The following FILIP1L variants were observed in gnomAD, a reference collection of about 807,000 sequenced individuals.
The protein encoded by FILIP1L is filamin A interacting protein 1 like.
A neutral mutation model predicts 96.6 loss-of-function variants in FILIP1L; 55 were observed. The ratio of observed to expected loss-of-function variants is 0.57; its 90% CI spans 0.46 to 0.71. FILIP1L has a LOEUF of 0.71. Ranked by LOEUF, FILIP1L falls within the 30% of genes least tolerant of loss-of-function variation. The pLI is 0.00. For synonymous variants in FILIP1L, 467 were observed against 473.9 expected, an observed-to-expected ratio of 0.99 and a Z score of 0.19; for missense variants, 1,304 against 1,321.2, an observed-to-expected ratio of 0.99 and a Z score of 0.20.
chr3:99,854,796 C>T (rs1559661077), intron 4 of FILIP1L, among the ~76,000 whole-genome samples: 1 of 152,170 alleles, frequency 6.6e-6, no homozygotes, highest in Non-Finnish European at 1.5e-5. Context: ...TTGCTTTACT[C>T]AGCTTTAATT....
intron 1 of FILIP1L, among the ~76,000 whole-genome samples, chr3:99,982,191 A>G (rs143029174): frequency 3.9e-5 from 6 of 152,238 alleles, no homozygotes; most frequent in African/African-American, 1.4e-4. Context: ...TGTTTTTTTA[A>G]TAGTATTGTC....
intron 1 of FILIP1L, among the ~76,000 whole-genome samples, chr3:99,955,310 C>T (rs1708290951): frequency 6.6e-6 from 1 of 152,158 alleles, no homozygotes; most frequent in Non-Finnish European, 1.5e-5. Context: ...TTGTAAATGA[C>T]AAGGAGTATA....
At chr3:99,904,966 A>AATTGTTCTCTC (rs1706564700) in intron 4 of FILIP1L, among the ~76,000 whole-genome samples, 2 of 152,218 alleles carry the variant, frequency 1.3e-5, no homozygotes, top group Non-Finnish European at 1.5e-5. Flanking sequence ...ATTCTGAAGA[A>AATTGTTCTCTC]ATTGTTCTCT....
chr3:100,002,450 C>A (rs184630059), intron 1 of FILIP1L, among the ~76,000 whole-genome samples: 1 of 152,236 alleles, frequency 6.6e-6, no homozygotes, highest in East Asian at 1.9e-4. Context: ...CTAGAACCAC[C>A]AGTTTCTGCC....
chr3:99,853,047 C>T (rs1206368816), intron 4 of FILIP1L, among the ~76,000 whole-genome samples: 2 of 152,176 alleles, frequency 1.3e-5, no homozygotes, highest in East Asian at 3.8e-4. Context: ...TGGCAAAAGG[C>T]TTGCCCATGG....
At chr3:99,947,372 T>C (rs1343632401) in intron 1 of FILIP1L, among the ~76,000 whole-genome samples, 1 of 152,196 alleles carries the variant, frequency 6.6e-6, no homozygotes, top group Non-Finnish European at 1.5e-5. Context: ...GATAGCTACA[T>C]AGTATTTCAT....
chr3:99,871,146 C>T (rs1254118376), intron 4 of FILIP1L, among the ~76,000 whole-genome samples: 2 of 152,208 alleles, frequency 1.3e-5, no homozygotes, highest in African/African-American at 2.4e-5. Context: ...CTGAGCCTAA[C>T]TTGGTTTCTA....
At chr3:99,994,038 T>A (rs1161802095) in intron 1 of FILIP1L, among the ~76,000 whole-genome samples, 1 of 152,114 alleles carries the variant, frequency 6.6e-6, no homozygotes. Flanking sequence ...GTTTCAGGAG[T>A]ATTGGATTTT....
At chr3:99,862,966 A>T (rs1944333855) in intron 4 of FILIP1L, among the ~76,000 whole-genome samples, 2 of 152,346 alleles carry the variant, frequency 1.3e-5, no homozygotes, top group South Asian at 4.1e-4. Flanking sequence ...TGCTCTGCTC[A>T]TCTTACTCCT....
intron 1 of FILIP1L, among the ~76,000 whole-genome samples, chr3:100,088,265 AG>A (rs1316458652): frequency 6.6e-6 from 1 of 152,210 alleles, no homozygotes; most frequent in African/African-American, 2.4e-5. Context: ...CTAAACCAAA[AG>A]CTTAAATTGA....
chr3:100,051,029 C>T (rs1246058877), intron 1 of FILIP1L, among the ~76,000 whole-genome samples: 1 of 152,068 alleles, frequency 6.6e-6, no homozygotes, highest in Non-Finnish European at 1.5e-5. Flanking sequence ...CTTATACCCA[C>T]CTTCAATAGA....
At chr3:100,071,238 T>C (rs551503164) in intron 1 of FILIP1L, among the ~76,000 whole-genome samples, 1 of 152,272 alleles carries the variant, frequency 6.6e-6, no homozygotes, top group Admixed American at 6.5e-5. Flanking sequence ...GATTTTCTCT[T>C]ACTCACTTCA....
At chr3:99,834,834 C>G (rs941725628) in intron 5 of FILIP1L, among the ~76,000 whole-genome samples, 1 of 152,172 alleles carries the variant, frequency 6.6e-6, no homozygotes, top group Non-Finnish European at 1.5e-5. Flanking sequence ...CTAGCTGTGT[C>G]TCTTTGAGCA....
intron 1 of FILIP1L, among the ~76,000 whole-genome samples, chr3:100,021,578 A>G (rs2064818001): frequency 6.6e-6 from 1 of 152,176 alleles, no homozygotes; most frequent in Admixed American, 6.5e-5. Flanking sequence ...ATTTGAAGCA[A>G]AGTCTGTACT....
At chr3:100,058,064 A>C (rs2065496000) in intron 1 of FILIP1L, among the ~76,000 whole-genome samples, 1 of 152,218 alleles carries the variant, frequency 6.6e-6, no homozygotes, top group African/African-American at 2.4e-5. Context: ...GGCAATATGC[A>C]CAATTTTTTA....
chr3:100,091,272 G>C (rs780217488), intron 1 of FILIP1L, among the ~76,000 whole-genome samples: 1 of 146,046 alleles, frequency 6.8e-6, no homozygotes, highest in African/African-American at 2.5e-5. Context: ...GCGACAGAGC[G>C]AGACTCCGTC....
intron 1 of FILIP1L, among the ~76,000 whole-genome samples, chr3:100,093,790 A>G (rs2066155180): frequency 6.6e-6 from 1 of 152,258 alleles, no homozygotes; most frequent in Admixed American, 6.5e-5. Context: ...ATATAAATAG[A>G]ATCATACAAC....
rs28728176 is a variant in FILIP1L at position 99,832,995 on chromosome 3, A to G, written c.3382-2390T>C. 930 of 496,936 alleles carry G rather than the reference A, an allele frequency of 1.9e-3. 7 individuals carry two copies. Among genetic ancestry groups the G allele is most frequent in the African/African-American group, 0.017 (842 of 49,830 alleles). 30.8% of individuals were successfully genotyped at this position (496,936 alleles called of 1,614,324 possible). On this transcript the variant is annotated intron_variant, in intron 5 of 5. Transcript: ENST00000477258. ...AAATAGCTCCAAGAAAGTTTTGTCC[A>G]AATTTGGAATGCATATTGCAAGAGA...
At chr3:99,943,319 T>G (rs1016400862) in intron 1 of FILIP1L, among the ~76,000 whole-genome samples, 1 of 152,220 alleles carries the variant, frequency 6.6e-6, no homozygotes, top group East Asian at 1.9e-4. Flanking sequence ...TTTTTCAGAA[T>G]AAGCTTCATA....
Sources: allele counts gnomAD v4.1 joint callset (sites outside exome capture counted in the v4.1 genomes callset), GRCh38; gene constraint gnomAD v4.1.1; transcripts MANE v1.5; gene names NCBI Gene and HGNC (gene_info 2026-07-23, HGNC 2026-07-21).